The following PTPN22 variants were observed in gnomAD, a reference collection of about 807,000 sequenced individuals.
PTPN22 encodes tyrosine-protein phosphatase non-receptor type 22.
PTPN22 carries 85 observed loss-of-function variants against 103.3 expected under a neutral mutation model. That is an observed-to-expected ratio of 0.82 (90% CI 0.69 to 0.99). PTPN22 has a LOEUF of 0.99. Ranked by LOEUF, PTPN22 falls within the 50% of genes least tolerant of loss-of-function variation. PTPN22 has a pLI of 0.00. For missense variants in PTPN22, 865 were observed against 936.9 expected, an observed-to-expected ratio of 0.92 and a Z score of 1.00; for synonymous variants, 323 against 310.2, an observed-to-expected ratio of 1.04 and a Z score of -0.43.
intron 14 of PTPN22, 121 bp downstream of exon 14, chr1:113,834,789 G>GGCCTCAATGAACTCCTC: frequency 1.2e-6 from 1 of 839,616 alleles, no homozygotes; most frequent in Non-Finnish European, 1.9e-6. Context: ...TTGAACTCCT[G>GGCCTCAATGAACTCCTC]GCCTCAATGA....
chr1:113,853,596 T>A (rs1417477620), intron 9 of PTPN22, among the ~76,000 whole-genome samples: 1 of 151,878 alleles, frequency 6.6e-6, no homozygotes, highest in African/African-American at 2.4e-5. Context: ...GTGATCAGCC[T>A]GCCTCGGCCT....
chr1:113,854,357 A>C (rs897882524), intron 9 of PTPN22, 114 bp downstream of exon 9: 1 of 1,035,436 alleles, frequency 9.7e-7, no homozygotes. Flanking sequence ...GTCTACAAGT[A>C]CATTTTCTAG....
At chr1:113,837,712 G>A in exon 13 of PTPN22, 1 of 1,609,774 alleles carries the variant, frequency 6.2e-7, no homozygotes, top group Non-Finnish European at 8.5e-7. Context: ...CAGAGAAGAA[G>A]GAAAAACAGT....
At chr1:113,815,044 T>C (rs553330363) in intron 20 of PTPN22, 75 bp from the exon 21 acceptor site, 1 of 1,032,014 alleles carries the variant, frequency 9.7e-7, no homozygotes, top group Non-Finnish European at 1.4e-6. Flanking sequence ...TTTTAGAGTA[T>C]ATTATAATAT....
chr1:113,857,300 T>C (rs1471008090), intron 5 of PTPN22, among the ~76,000 whole-genome samples: 1 of 152,188 alleles, frequency 6.6e-6, no homozygotes, highest in Admixed American at 6.6e-5. Flanking sequence ...CAAACAGCTT[T>C]CTGATAACTG....
At chr1:113,840,902 T>C (rs762963887) in intron 11 of PTPN22, among the ~76,000 whole-genome samples, 1 of 152,176 alleles carries the variant, frequency 6.6e-6, no homozygotes, top group Non-Finnish European at 1.5e-5. Context: ...TAAATGATTC[T>C]GGGAAAAACT....
In PTPN22 at chr1:113,862,951, C is replaced by T. The variant is rs17031949; in HGVS notation, c.88-3491G>A. Among the ~76,000 whole-genome samples, 778 of 152,252 alleles carry T rather than the reference C, an allele frequency of 5.1e-3. 2 individuals are homozygous for T. Among genetic ancestry groups the T allele is most frequent in the Non-Finnish European group, 8.8e-3 (599 of 68,014 alleles). ...AATCATCTTCAACAAGACTGACAAA[C>T]TTATCGAGGTTAGTTTCCAGTGCAA... On this transcript the variant is annotated intron_variant, in intron 1 of 20. Transcript: ENST00000359785.
chr1:113,833,796 C>G (rs556026832), intron 15 of PTPN22, among the ~76,000 whole-genome samples: 1 of 152,304 alleles, frequency 6.6e-6, no homozygotes, highest in East Asian at 1.9e-4. Flanking sequence ...ATCAACCACA[C>G]TATTCCAAAA....
intron 1 of PTPN22, among the ~76,000 whole-genome samples, chr1:113,866,488 T>C (rs1276035230): frequency 1.3e-5 from 2 of 151,642 alleles, no homozygotes; most frequent in African/African-American, 4.8e-5. Flanking sequence ...TCCAGCCTGG[T>C]GACAGAGTGA....
rs564975401 is a variant in PTPN22 at position 113,856,720 on chromosome 1, G to A, written c.409-101C>T. On this transcript the variant is annotated intron_variant, in intron 5 of 20. Coordinates refer to ENST00000359785, the Ensembl canonical transcript of PTPN22. ...TTCAGCTCTATGTCCTTCACCTTAG[G>A]TTAGGTGCGTCTAACCCCTTTGGGC... The A allele has an allele frequency of 2.0e-4, 303 of 1,514,628 alleles. 2 individuals are homozygous for A. In the African/African-American group the frequency reaches 3.7e-3, roughly 19 times the overall value. The allele number at this position is 1,514,628 out of a possible 1,614,324, so 93.8% of individuals were successfully genotyped here. A position where few individuals can be genotyped will look rare whatever the true frequency, so the allele number is the denominator to read the frequency against.
At chr1:113,857,393 A>C in intron 5 of PTPN22, 1 of 177,090 alleles carries the variant, frequency 5.6e-6, no homozygotes, top group Non-Finnish European at 1.2e-5. Flanking sequence ...AATGCTCAAT[A>C]GCTGTATGTG....
intron 6 of PTPN22, 32 bp from the exon 7 acceptor site, chr1:113,856,473 G>T: frequency 1.9e-6 from 3 of 1,612,596 alleles, no homozygotes; most frequent in Non-Finnish European, 1.7e-6. Context: ...AAGTATTAGT[G>T]ATTGCAAAGA....
intron 20 of PTPN22, among the ~76,000 whole-genome samples, chr1:113,818,995 T>C (rs1661374305): frequency 1.3e-5 from 2 of 152,228 alleles, no homozygotes; most frequent in Admixed American, 1.3e-4. Context: ...TTAGTAGTAA[T>C]AGCCTACCAC....
intron 18 of PTPN22, among the ~76,000 whole-genome samples, chr1:113,826,445 G>A (rs1212200640): frequency 6.7e-6 from 1 of 148,670 alleles, no homozygotes; most frequent in Non-Finnish European, 1.5e-5. Flanking sequence ...GAAGGGAAGG[G>A]ACTCAGAGGG....
chr1:113,827,722 C>T (rs1359358280), intron 18 of PTPN22, among the ~76,000 whole-genome samples: 1 of 152,090 alleles, frequency 6.6e-6, no homozygotes, highest in Non-Finnish European at 1.5e-5. Context: ...GTAATCCCAG[C>T]ACTTTGGGAG....
chr1:113,828,290 C>T (rs941965057), intron 18 of PTPN22, among the ~76,000 whole-genome samples: 7 of 152,140 alleles, frequency 4.6e-5, no homozygotes, highest in Middle Eastern at 3.4e-3. Flanking sequence ...CTTATGGCCT[C>T]CGGATTTTGA....
intron 15 of PTPN22, 46 bp from the exon 16 acceptor site, chr1:113,833,184 A>G (rs766120256): frequency 6.9e-7 from 1 of 1,445,294 alleles, no homozygotes; most frequent in Non-Finnish European, 9.5e-7. Context: ...ATATGTATAC[A>G]AATTATACAA....
Position 113,829,710 on chromosome 1 carries a change from T to A in PTPN22, c.2135-3A>T. 2 of 1,267,680 alleles carry A rather than the reference T, an allele frequency of 1.6e-6. No homozygotes were observed. The highest frequency in any genetic ancestry group is 1.4e-5 in the South Asian group (1 of 70,594). The allele number at this position is 1,267,680 out of a possible 1,614,324, so 78.5% of individuals were successfully genotyped here. The stretch of plus-strand genomic sequence containing the variant: ...TTCTATAGATTGGGCCTGCATACCT[T>A]AAAAAAAAAAAAGGAGAAAAACATG... On this transcript the variant is annotated splice_polypyrimidine_tract_variant and splice_region_variant and intron_variant, in intron 17 of 20. Transcript: ENST00000359785.
chr1:113,859,303 G>T, intron 2 of PTPN22, 49 bp downstream of exon 2: 1 of 1,567,712 alleles, frequency 6.4e-7, no homozygotes, highest in Non-Finnish European at 8.8e-7. Flanking sequence ...AGATAGTAAT[G>T]ATTGAATTTG....
Sources: gnomAD v4.1 joint callset for allele counts (sites outside exome capture counted in the v4.1 genomes callset) on GRCh38, gnomAD v4.1.1 for gene constraint, MANE v1.5 for transcripts, NCBI Gene and HGNC (gene_info 2026-07-23, HGNC 2026-07-21) for gene names.